Variants in CSMD2 observed in about 807,000 individuals in gnomAD.
CSMD2 encodes CUB and sushi domain-containing protein 2.
Under a neutral mutation model 398.5 loss-of-function variants are expected in CSMD2, and 130 were observed. That is an observed-to-expected ratio of 0.33 (90% confidence interval 0.28 to 0.38). The LOEUF is 0.38. CSMD2 is among the 10% of genes least tolerant of loss of function. The pLI, the probability that CSMD2 is intolerant of heterozygous loss-of-function variation, is 1.00. For synonymous variants in CSMD2, 1,828 were observed against 1,908.5 expected, an observed-to-expected ratio of 0.96 and a Z score of 1.10; for missense variants, 3,829 against 4,764.9, an observed-to-expected ratio of 0.80 and a Z score of 5.78.
Position 33,935,808 on chromosome 1 carries a change from C to A in CSMD2, c.664G>T (p.Gly222Cys). 1 of 1,613,754 alleles carries A rather than the reference C, an allele frequency of 6.2e-7. No individual in the cohort carries two copies. Among genetic ancestry groups the A allele is most frequent in the Non-Finnish European group, 8.5e-7 (1 of 1,179,780 alleles). The change falls in exon 4 of 71, where the codon GGC (glycine) becomes TGC (cysteine). Residue 222 changes from glycine (G) to cysteine (C), a missense_variant. By Grantham distance (159) the Gly-to-Cys change is radical. Coordinates refer to ENST00000373381, the MANE Select transcript of CSMD2 (RefSeq NM_001281956.2). ...EGHAVLTCHA[G>C]SENSATWDFP... ...TCCCACGTGGCGCTGTTCTCAGAGCCAGCGTGGCAGGTGAGCACGGCGTGG... is the reference window on the plus strand; with the variant it reads ...TCCCACGTGGCGCTGTTCTCAGAGCAAGCGTGGCAGGTGAGCACGGCGTGG...
rs551457762 is a variant in CSMD2, at chr1:33,747,027, T to C, written c.1847-3421A>G. 6.2e-4 allele frequency among the ~76,000 whole-genome samples: 95 copies of C among 152,304 alleles called. 1 individual carries two copies. Among genetic ancestry groups the C allele is most frequent in the African/African-American group, 2.1e-3 (86 of 41,566 alleles). On this transcript the variant is annotated intron_variant, in intron 13 of 70. Transcript: ENST00000373381. ...TGGAAAAGGGTATGAATGAGCCAAGTTGTTAAACAGCAAAGGCAACAGAAA... is the reference window on the plus strand; with the variant it reads ...TGGAAAAGGGTATGAATGAGCCAAGCTGTTAAACAGCAAAGGCAACAGAAA...
intron 15 of CSMD2, among the ~76,000 whole-genome samples, chr1:33,733,959 T>C (rs1319363320): frequency 2.0e-5 from 3 of 152,166 alleles, no homozygotes; most frequent in Non-Finnish European, 4.4e-5. Flanking sequence ...AGCTGGGTGA[T>C]TTTGGGAACG....
chr1:33,726,442 A>G, intron 16 of CSMD2, 105 bp downstream of exon 16: 1 of 1,326,260 alleles, frequency 7.5e-7, no homozygotes, highest in South Asian at 1.6e-5. Context: ...CCTTGCTGAC[A>G]TTTCAGCGTT....
Position 34,057,600 on chromosome 1 carries a change from T to A in CSMD2, c.405-24894A>T, listed in dbSNP as rs550968131. ...GGCAGAGAGGGTCCAGCTGCCAGACTCAGTCCTCCAGCCCCTTGCCTCCGC... is the reference window on the plus strand; with the variant it reads ...GGCAGAGAGGGTCCAGCTGCCAGACACAGTCCTCCAGCCCCTTGCCTCCGC... On this transcript the variant is annotated intron_variant, in intron 2 of 70. Transcript: ENST00000373381. 4.6e-5 allele frequency among the ~76,000 whole-genome samples: 7 copies of A among 152,220 alleles called. No homozygotes were observed. In the East Asian group the frequency reaches 1.4e-3, roughly 30 times the overall value.
chr1:33,646,572 C>T lies in CSMD2; in HGVS notation c.4774+76G>A. On this transcript the variant is annotated intron_variant, in intron 29 of 70. Coordinates refer to ENST00000373381, the MANE Select transcript of CSMD2 (RefSeq NM_001281956.2). ...CTGTGGTCCAGCCCAGGGCTCTCCT[C>T]ACTACGCTACACTACTTGCCCTCTG... 2.0e-6 allele frequency: 3 copies of T among 1,498,898 alleles called. No homozygotes were observed. The South Asian group carries it at 3.6e-5, about 18-fold the overall frequency. The allele number at this position is 1,498,898 out of a possible 1,614,324, so 92.8% of individuals were successfully genotyped here. A position where few individuals can be genotyped will look rare whatever the true frequency, so the allele number is the denominator to read the frequency against.
chr1:33,543,928 T>C (rs914589862), intron 57 of CSMD2, among the ~76,000 whole-genome samples: 1 of 152,134 alleles, frequency 6.6e-6, no homozygotes, highest in South Asian at 2.1e-4. Flanking sequence ...AACTCATGGA[T>C]CTAAAGATAT....
chr1:33,752,674 T>C (rs190763955), intron 13 of CSMD2, among the ~76,000 whole-genome samples: 13 of 152,036 alleles, frequency 8.6e-5, no homozygotes, highest in Admixed American at 3.9e-4. Context: ...CAGGGATAGG[T>C]TGGAAGAGTT....
chr1:34,099,526 G>A (rs911089964), intron 1 of CSMD2, among the ~76,000 whole-genome samples: 1 of 152,222 alleles, frequency 6.6e-6, no homozygotes, highest in Non-Finnish European at 1.5e-5. Flanking sequence ...AGGAGATTCT[G>A]ATTAAGAATC....
chr1:34,076,926 A>AT (rs1412247103), intron 2 of CSMD2, among the ~76,000 whole-genome samples: 42 of 97,102 alleles, frequency 4.3e-4, no homozygotes, highest in Non-Finnish European at 7.2e-4. Flanking sequence ...AAAAAAAAAA[A>AT]AAATATATAT....
intron 5 of CSMD2, among the ~76,000 whole-genome samples, chr1:33,911,150 G>T (rs2125263930): frequency 6.6e-6 from 1 of 152,334 alleles, no homozygotes; most frequent in South Asian, 2.1e-4. Flanking sequence ...CTGTGGCTTT[G>T]TCCCTCTAGC....
Position 33,587,077 on chromosome 1 carries a change from G to A in CSMD2, c.6937+11C>T, listed in dbSNP as rs971223031. On this transcript the variant is annotated intron_variant, in intron 45 of 70. Transcript: ENST00000373381. Reference sequence around the variant, plus strand: ...TGGGTTCACAGTCCTTGCTGGCTTGGGAGGTGGTACCTATATTGAATTCTT... The same window carrying A: ...TGGGTTCACAGTCCTTGCTGGCTTGAGAGGTGGTACCTATATTGAATTCTT... The A allele has an allele frequency of 5.0e-6, 8 of 1,591,688 alleles. No homozygotes were observed. Among genetic ancestry groups the A allele is most frequent in the Non-Finnish European group, 6.8e-6 (8 of 1,167,944 alleles).
At chr1:33,989,123 AAC>A (rs1019937160) in intron 3 of CSMD2, among the ~76,000 whole-genome samples, 11 of 145,770 alleles carry the variant, frequency 7.5e-5, no homozygotes, top group Non-Finnish European at 7.5e-5. Flanking sequence ...ATAGAAATAA[AAC>A]ACACATATAT....
intron 5 of CSMD2, among the ~76,000 whole-genome samples, chr1:33,898,045 T>G (rs1013163748): frequency 6.6e-6 from 1 of 152,132 alleles, no homozygotes; most frequent in Non-Finnish European, 1.5e-5. Flanking sequence ...GGAGTTAGAT[T>G]GAGAGAGGAG....
Position 33,837,244 on chromosome 1 carries a change from G to A in CSMD2, c.1033+9640C>T, listed in dbSNP as rs1245400349. 2.6e-5 allele frequency among the ~76,000 whole-genome samples: 4 copies of A among 152,180 alleles called. 1 individual carries two copies. Among genetic ancestry groups the A allele is most frequent in the Admixed American group, 6.5e-5 (1 of 15,286 alleles). ...GACTGGGACAGACCAGGTTGTGAGA[G>A]TCAGAGAACAAAGGCAGGTCTCCAA... On this transcript the variant is annotated intron_variant, in intron 6 of 70. Transcript: ENST00000373381.
intron 2 of CSMD2, among the ~76,000 whole-genome samples, chr1:34,064,508 A>G (rs1310767111): frequency 1.3e-5 from 2 of 152,146 alleles, no homozygotes; most frequent in African/African-American, 4.8e-5. Context: ...TCCAGTTTCC[A>G]ACAAGTTCCT....
chr1:33,586,964 A>T, intron 45 of CSMD2, 124 bp downstream of exon 45: 1 of 699,610 alleles, frequency 1.4e-6, no homozygotes, highest in Non-Finnish European at 2.4e-6. Context: ...CACAGGGCCT[A>T]CTGTTTCTCT....
chr1:33,682,447 G>C (rs573092864), intron 25 of CSMD2, among the ~76,000 whole-genome samples: 1 of 152,302 alleles, frequency 6.6e-6, no homozygotes, highest in South Asian at 2.1e-4. Flanking sequence ...AAGCCGATGA[G>C]AGCCAATTTT....
intron 65 of CSMD2, 52 bp from the exon 66 acceptor site, chr1:33,525,095 A>G: frequency 1.3e-6 from 2 of 1,594,362 alleles, no homozygotes; most frequent in East Asian, 4.5e-5. Flanking sequence ...TGCTGCCAGA[A>G]TTGGGGTAGC....
At chr1:33,544,854 T>TATATATATATATATAC (rs1553134872) in intron 57 of CSMD2, among the ~76,000 whole-genome samples, 1 of 93,328 alleles carries the variant, frequency 1.1e-5, no homozygotes, top group Non-Finnish European at 2.6e-5. Context: ...TATATATATA[T>TATATATATATATATAC]ACACATATAA....
Sources: gnomAD v4.1 joint callset for allele counts (sites outside exome capture counted in the v4.1 genomes callset) on GRCh38, gnomAD v4.1.1 for gene constraint, MANE v1.5 for transcripts, NCBI Gene and HGNC (gene_info 2026-07-23, HGNC 2026-07-21) for gene names.